ZNF407: variants seen among roughly 807,000 people sequenced by gnomAD.
The protein encoded by ZNF407 is zinc finger protein 407.
In ZNF407, 17 loss-of-function variants were observed where a neutral mutation model predicts 131.2. The observed-to-expected ratio is 0.13, with a 90% CI of 0.09 to 0.19. ZNF407 has a LOEUF of 0.19. Ranked by LOEUF, ZNF407 falls within the 10% of genes least tolerant of loss-of-function variation. The probability of loss-of-function intolerance (pLI) is 1.00; values close to 1 mark genes in which losing one functional copy is unlikely to be tolerated. For missense variants in ZNF407, 2,681 were observed against 2,830.6 expected (o/e 0.95, Z 1.20); for synonymous variants, 1,156 against 1,062.0 (o/e 1.09, Z -1.72).
At chr18:74,617,699 G>T (rs1410215625) in intron 1 of ZNF407, among the ~76,000 whole-genome samples, 1 of 152,136 alleles carries the variant, frequency 6.6e-6, no homozygotes, top group Non-Finnish European at 1.5e-5. Context: ...GTGTCCATCT[G>T]CTCTTCATTG....
chr18:74,676,633 A>C (rs529807932), intron 3 of ZNF407, among the ~76,000 whole-genome samples: 2 of 151,550 alleles, frequency 1.3e-5, no homozygotes, highest in East Asian at 3.9e-4. Flanking sequence ...ACGGGGTTTC[A>C]CCGTGTTAGC....
chr18:74,712,379 AG>A (rs1967787302), intron 3 of ZNF407, among the ~76,000 whole-genome samples: 3 of 152,326 alleles, frequency 2.0e-5, no homozygotes, highest in South Asian at 2.1e-4. Flanking sequence ...ATTTGAGCCC[AG>A]GTTACTATTA....
chr18:75,051,621 T>C (rs1159859153), intron 8 of ZNF407, among the ~76,000 whole-genome samples: 2 of 152,212 alleles, frequency 1.3e-5, no homozygotes, highest in Non-Finnish European at 2.9e-5. Context: ...AGAGAATTGA[T>C]ATGCAATGGA....
rs184329269 is a variant in ZNF407 at position 74,743,275 on chromosome 18, G to A, written c.4803-38153G>A. ...TACTCAAAATATATATTTTAACAAG[G>A]CAATAGCACCAATTTTCTCTTCTCT... On this transcript the variant is annotated intron_variant, in intron 3 of 8. Transcript: ENST00000299687. Among the ~76,000 whole-genome samples the A allele has an allele frequency of 4.0e-4, 61 of 152,180 alleles. 1 individual carries two copies. The highest frequency in any genetic ancestry group is 3.4e-3 in the Middle Eastern group (1 of 294).
intron 8 of ZNF407, chr18:74,920,951 T>C: frequency 3.5e-6 from 4 of 1,151,904 alleles, no homozygotes; most frequent in Non-Finnish European, 4.3e-6. Context: ...TAATAGTAAA[T>C]ATTTAAAGCA....
intron 8 of ZNF407, among the ~76,000 whole-genome samples, chr18:74,955,931 T>C (rs2145285280): frequency 6.6e-6 from 1 of 152,308 alleles, no homozygotes; most frequent in Middle Eastern, 3.4e-3. Context: ...TTTTGTACAT[T>C]ACATGATTCC....
intron 4 of ZNF407, among the ~76,000 whole-genome samples, chr18:74,842,349 TCTCATATTTGAAGTAAA>T (rs770522808): frequency 2.8e-4 from 43 of 152,312 alleles, no homozygotes; most frequent in Non-Finnish European, 4.9e-4. Context: ...TAAGTGCACT[TCTCATATTTGAAGTAAA>T]TTATTTTATA....
chr18:74,640,107 G>A (rs1190188764), intron 2 of ZNF407, among the ~76,000 whole-genome samples: 1 of 152,010 alleles, frequency 6.6e-6, no homozygotes, highest in African/African-American at 2.4e-5. Context: ...ATTTGAAGAT[G>A]TATTGGTTAG....
chr18:74,879,918 G>A (rs1435611384), intron 5 of ZNF407, among the ~76,000 whole-genome samples: 2 of 152,024 alleles, frequency 1.3e-5, no homozygotes, highest in African/African-American at 4.8e-5. Context: ...CCTTAAAAAG[G>A]CAATTATAAT....
At chr18:74,712,377 C>G (rs72969684) in intron 3 of ZNF407, among the ~76,000 whole-genome samples, 10,240 of 152,196 alleles carry the variant, frequency 0.067, 402 homozygotes, top group East Asian at 0.11. Context: ...CTATTTGAGC[C>G]CAGGTTACTA....
At chr18:75,011,381 AG>A (rs1454222741) in intron 8 of ZNF407, among the ~76,000 whole-genome samples, 1 of 152,170 alleles carries the variant, frequency 6.6e-6, no homozygotes, top group Admixed American at 6.6e-5. Flanking sequence ...CAACAGATAC[AG>A]ATATAATTTT....
chr18:74,622,908 G>A (rs1983590991), intron 1 of ZNF407, among the ~76,000 whole-genome samples: 2 of 147,208 alleles, frequency 1.4e-5, no homozygotes, highest in Non-Finnish European at 3.0e-5. Flanking sequence ...CTGTTTTAGT[G>A]TGTGAATGTC....
intron 2 of ZNF407, among the ~76,000 whole-genome samples, chr18:74,636,107 T>C (rs927138324): frequency 4.6e-5 from 7 of 152,312 alleles, no homozygotes; most frequent in South Asian, 4.1e-4. Flanking sequence ...TAATCAAATT[T>C]TCTTACAATA....
At chr18:75,021,455 A>G (rs1051845422) in intron 8 of ZNF407, among the ~76,000 whole-genome samples, 2 of 151,774 alleles carry the variant, frequency 1.3e-5, no homozygotes, top group Non-Finnish European at 2.9e-5. Flanking sequence ...TTTTTTTTAG[A>G]GACAGGGTCT....
chr18:74,651,758 T>G (rs1314199373), intron 3 of ZNF407, among the ~76,000 whole-genome samples: 1 of 152,140 alleles, frequency 6.6e-6, no homozygotes, highest in Non-Finnish European at 1.5e-5. Flanking sequence ...AAAGCCGAGG[T>G]GATCCTTAGA....
chr18:74,665,512 A>G (rs1386346778), intron 3 of ZNF407, among the ~76,000 whole-genome samples: 1 of 152,172 alleles, frequency 6.6e-6, no homozygotes, highest in South Asian at 2.1e-4. Flanking sequence ...AGCTGAGTAC[A>G]AGTTACAGTG....
At chr18:74,822,994 G>A (rs966075439) in intron 4 of ZNF407, among the ~76,000 whole-genome samples, 81 of 152,240 alleles carry the variant, frequency 5.3e-4, no homozygotes, top group African/African-American at 1.9e-3. Context: ...TCCCTTGTTA[G>A]TTGTATTCCT....
chr18:74,907,981 C>T (rs1221976643), intron 7 of ZNF407, among the ~76,000 whole-genome samples: 1 of 152,148 alleles, frequency 6.6e-6, no homozygotes, highest in Non-Finnish European at 1.5e-5. Context: ...ACCTTGATCA[C>T]TGTGTAATGA....
intron 1 of ZNF407, among the ~76,000 whole-genome samples, chr18:74,608,080 T>C (rs1982887059): frequency 6.6e-6 from 1 of 152,218 alleles, no homozygotes; most frequent in East Asian, 1.9e-4. Flanking sequence ...CTTTCTACTT[T>C]GAAATAATTT....
Sources: allele counts gnomAD v4.1 joint callset (sites outside exome capture counted in the v4.1 genomes callset), GRCh38; gene constraint gnomAD v4.1.1; transcripts MANE v1.5; gene names NCBI Gene and HGNC (gene_info 2026-07-23, HGNC 2026-07-21).